Variants in SRD5A2 observed in about 807,000 individuals in gnomAD.
The protein encoded by SRD5A2 is 3-oxo-5-alpha-steroid 4-dehydrogenase 2.
Under a neutral mutation model 27.4 loss-of-function variants are expected in SRD5A2, and 30 were observed. That is an observed-to-expected ratio of 1.10 (90% CI 0.82 to 1.49). The LOEUF (loss-of-function observed/expected upper bound fraction) is 1.49, where lower values mean the gene tolerates loss of function less well. Among genes scored for constraint, SRD5A2 ranks in the 40% most tolerant of loss-of-function variants. The probability of loss-of-function intolerance (pLI) is 0.00; values close to 1 mark genes in which losing one functional copy is unlikely to be tolerated. For synonymous variants in SRD5A2, 141 were observed against 133.6 expected, an observed-to-expected ratio of 1.06 and a Z score of -0.38; for missense variants, 348 against 323.4, an observed-to-expected ratio of 1.08 and a Z score of -0.58.
chr2:31,551,907 A>AT (rs1264616135), intron 1 of SRD5A2, among the ~76,000 whole-genome samples: 1 of 152,088 alleles, frequency 6.6e-6, no homozygotes, highest in Non-Finnish European at 1.5e-5. Flanking sequence ...GGCTCAAATG[A>AT]TTTTTTATAA....
At chr2:31,531,554 G>T in intron 2 of SRD5A2, 82 bp from the exon 3 acceptor site, 1 of 909,470 alleles carries the variant, frequency 1.1e-6, no homozygotes, top group Non-Finnish European at 1.7e-6. Context: ...AAGCTAAAAT[G>T]AAAGGAGGGG....
rs1452433766 is a variant in SRD5A2 at position 31,570,444 on chromosome 2, C to A, written c.281+10176G>T. Among the ~76,000 whole-genome samples the A allele has an allele frequency of 2.0e-5, 3 of 152,152 alleles. No homozygotes were observed. The East Asian group carries it at 5.8e-4, about 29-fold the overall frequency. ...ATACTGAATAGGCAAAAGCTGGAAGCATTCCCCTTGAAAACTAGAACAAGA... is the reference window on the plus strand; with the variant it reads ...ATACTGAATAGGCAAAAGCTGGAAGAATTCCCCTTGAAAACTAGAACAAGA... On this transcript the variant is annotated intron_variant, in intron 1 of 4. Coordinates refer to ENST00000622030, the MANE Select transcript of SRD5A2 (RefSeq NM_000348.4).
chr2:31,657,594 G>A, the SRD5A2 span, among the ~76,000 whole-genome samples: 6 of 152,056 alleles, frequency 3.9e-5, no homozygotes, highest in African/African-American at 1.4e-4. Context: ...ATTTAATAAA[G>A]CAACTACCAC....
At chr2:31,619,492 T>G in the SRD5A2 span, among the ~76,000 whole-genome samples, 19 of 152,252 alleles carry the variant, frequency 1.2e-4, no homozygotes, top group South Asian at 3.3e-3. Flanking sequence ...TGTTTCTGTC[T>G]TTAGGTCTTT....
the SRD5A2 span, among the ~76,000 whole-genome samples, chr2:31,657,553 G>T: frequency 6.6e-6 from 1 of 152,074 alleles, no homozygotes; most frequent in Non-Finnish European, 1.5e-5. Flanking sequence ...ACCATGTTCA[G>T]CCAATAGATT....
chr2:31,635,428 C>T, the SRD5A2 span, among the ~76,000 whole-genome samples: 2 of 151,678 alleles, frequency 1.3e-5, no homozygotes, highest in Admixed American at 6.6e-5. Context: ...TGTTTGAGTT[C>T]CTTATATATT....
At chr2:31,578,162 A>ATACT (rs1486803298) in intron 1 of SRD5A2, among the ~76,000 whole-genome samples, 1 of 152,150 alleles carries the variant, frequency 6.6e-6, no homozygotes, top group Non-Finnish European at 1.5e-5. Flanking sequence ...AATATTTAAT[A>ATACT]TACTTAGATG....
chr2:31,547,304 A>G (rs540205964), intron 1 of SRD5A2, among the ~76,000 whole-genome samples: 6 of 152,266 alleles, frequency 3.9e-5, no homozygotes, highest in African/African-American at 1.4e-4. Context: ...ATTATTCTCA[A>G]TGCTTCAGTA....
chr2:31,551,063 A>T (rs896643886), intron 1 of SRD5A2, among the ~76,000 whole-genome samples: 40 of 152,200 alleles, frequency 2.6e-4, no homozygotes, highest in African/African-American at 9.1e-4. Flanking sequence ...TTTGCTACTA[A>T]TGAATATGTT....
the SRD5A2 span, among the ~76,000 whole-genome samples, chr2:31,589,785 G>C: frequency 6.6e-6 from 1 of 152,110 alleles, no homozygotes; most frequent in Admixed American, 6.5e-5. Context: ...AATTGCAGAA[G>C]CTGCAGCTGA....
the SRD5A2 span, among the ~76,000 whole-genome samples, chr2:31,635,641 GTCCTAGAACATTTCTCCA>G: frequency 6.6e-6 from 1 of 152,004 alleles, no homozygotes; most frequent in Non-Finnish European, 1.5e-5. Context: ...CCAGACCAAC[GTCCTAGAACATTTCTCCA>G]TTATTTTCTT....
At chr2:31,557,386 G>C (rs2148085072) in intron 1 of SRD5A2, among the ~76,000 whole-genome samples, 2 of 152,346 alleles carry the variant, frequency 1.3e-5, no homozygotes, top group East Asian at 3.9e-4. Flanking sequence ...GCATTGCTTA[G>C]ATGTTTTGGC....
Position 31,580,739 on chromosome 2 carries a change from G to C in SRD5A2, c.162C>G (p.Phe54Leu). The C allele has an allele frequency of 6.2e-7, 1 of 1,609,484 alleles. No homozygotes were observed. Among genetic ancestry groups the C allele is most frequent in the South Asian group, 1.1e-5 (1 of 91,024 alleles). Residue 54 changes from phenylalanine (F) to leucine (L), a missense_variant, in exon 1 of 5, where the codon TTC becomes TTG. Transcript: ENST00000622030. Reference protein sequence around the residue: ...ATRLPARAAWFLQELPSFAVP... With the variant: ...ATRLPARAAWLLQELPSFAVP... ...CCGCGAAGGAAGGCAGCTCCTGCAG[G>C]AACCAGGCGGCGCGGGCTGGCAGGC...
At chr2:31,583,579 A>T (rs150999237), upstream of SRD5A2, among the ~76,000 whole-genome samples, 153 of 139,844 alleles carry the variant, frequency 1.1e-3, no homozygotes, top group Non-Finnish European at 1.9e-3. Flanking sequence ...GCATATCAGG[A>T]TCTGTGCTCC....
chr2:31,655,320 C>T, the SRD5A2 span, among the ~76,000 whole-genome samples: 26 of 152,212 alleles, frequency 1.7e-4, no homozygotes, highest in African/African-American at 6.0e-4. Context: ...AGGCTGATCT[C>T]GAACTCCTGA....
the SRD5A2 span, among the ~76,000 whole-genome samples, chr2:31,593,604 A>C: frequency 6.6e-6 from 1 of 152,208 alleles, no homozygotes; most frequent in Non-Finnish European, 1.5e-5. Context: ...AAATAAATCT[A>C]AAAGTTTGGA....
At chr2:31,534,461 T>G (rs905160116) in intron 1 of SRD5A2, among the ~76,000 whole-genome samples, 9 of 152,174 alleles carry the variant, frequency 5.9e-5, no homozygotes, top group Admixed American at 3.3e-4. Flanking sequence ...ATCACAGACT[T>G]GGAGCTCCAC....
At chr2:31,579,542 G>C (rs971810124) in intron 1 of SRD5A2, among the ~76,000 whole-genome samples, 1 of 152,190 alleles carries the variant, frequency 6.6e-6, no homozygotes, top group Non-Finnish European at 1.5e-5. Context: ...ACGGCTAAAA[G>C]GTCTTAAACC....
chr2:31,652,558 T>C, the SRD5A2 span, among the ~76,000 whole-genome samples: 5 of 151,988 alleles, frequency 3.3e-5, no homozygotes, highest in South Asian at 2.1e-4. Context: ...AGAACAGTTA[T>C]GAAAAAGAAT....
Sources: allele counts gnomAD v4.1 joint callset (sites outside exome capture counted in the v4.1 genomes callset), GRCh38; gene constraint gnomAD v4.1.1; transcripts MANE v1.5; gene names NCBI Gene and HGNC (gene_info 2026-07-23, HGNC 2026-07-21).